Variants in PACS1 observed in about 807,000 individuals in gnomAD.
The protein encoded by PACS1 is PACS-1.
A neutral mutation model predicts 115.0 loss-of-function variants in PACS1; 24 were observed. The observed-to-expected ratio is 0.21, with a 90% CI of 0.15 to 0.29. The LOEUF is 0.29. PACS1 is among the 10% of genes least tolerant of loss of function. The pLI, the probability that PACS1 is intolerant of heterozygous loss-of-function variation, is 1.00. For missense variants in PACS1, 838 were observed against 1,251.2 expected (o/e 0.67, Z 4.98); for synonymous variants, 453 against 504.5 (o/e 0.90, Z 1.37).
At chr11:66,223,926 G>A (rs1184501388) in intron 10 of PACS1, among the ~76,000 whole-genome samples, 1 of 152,184 alleles carries the variant, frequency 6.6e-6, no homozygotes, top group African/African-American at 2.4e-5. Context: ...GGGCGGACAC[G>A]GTGGCTCAAA....
chr11:66,214,035 A>AG (rs1855141401), intron 4 of PACS1, among the ~76,000 whole-genome samples: 1 of 147,016 alleles, frequency 6.8e-6, no homozygotes. Context: ...TCCATCTCAA[A>AG]AAAAAAAAAA....
At chr11:66,105,581 G>A (rs1858019475) in intron 1 of PACS1, among the ~76,000 whole-genome samples, 1 of 152,120 alleles carries the variant, frequency 6.6e-6, no homozygotes, top group South Asian at 2.1e-4. Context: ...TAAGACAGTG[G>A]AATTTTTGGT....
In PACS1 at chr11:66,239,266, G is replaced by A; in HGVS notation, c.2418G>A (p.Leu806=). ...PPSSPSMSSA[L]AIVGSPNSPY... Reference sequence around the variant, plus strand: ...CCTCCCCATCTATGAGCAGCGCCCTGGCCATCGTGGGGTAAGGCTCCTGCC... The same window carrying A: ...CCTCCCCATCTATGAGCAGCGCCCTAGCCATCGTGGGGTAAGGCTCCTGCC... Residue 806 remains leucine, a synonymous_variant, in exon 21 of 24, where the codon CTG becomes CTA. Transcript: ENST00000320580. 1 of 1,612,000 alleles carries A rather than the reference G, an allele frequency of 6.2e-7. No homozygotes were observed. Among genetic ancestry groups the A allele is most frequent in the East Asian group, 2.2e-5 (1 of 44,862 alleles).
intron 5 of PACS1, 29 bp from the exon 6 acceptor site, chr11:66,216,491 A>G (rs1277232694): frequency 6.3e-7 from 1 of 1,585,752 alleles, no homozygotes; most frequent in Admixed American, 1.7e-5. Context: ...TCCCATTGCA[A>G]GGTTATCTTA....
At chr11:66,223,224 C>A (rs759649586) in intron 10 of PACS1, among the ~76,000 whole-genome samples, 1 of 152,060 alleles carries the variant, frequency 6.6e-6, no homozygotes, top group Non-Finnish European at 1.5e-5. Flanking sequence ...TCCCGAGTAG[C>A]TGGGACTGCA....
chr11:66,103,155 C>T (rs1857959483), intron 1 of PACS1, among the ~76,000 whole-genome samples: 1 of 152,104 alleles, frequency 6.6e-6, no homozygotes, highest in Admixed American at 6.5e-5. Flanking sequence ...ATATAAATGG[C>T]ACAGTTGAAA....
intron 2 of PACS1, among the ~76,000 whole-genome samples, chr11:66,197,617 G>T (rs2134679350): frequency 6.6e-6 from 1 of 152,092 alleles, no homozygotes; most frequent in South Asian, 2.1e-4. Flanking sequence ...AACACAGCAA[G>T]ACCCCATCTT....
intron 1 of PACS1, among the ~76,000 whole-genome samples, chr11:66,171,821 C>T (rs923651229): frequency 2.0e-5 from 3 of 151,000 alleles, no homozygotes; most frequent in African/African-American, 4.9e-5. Context: ...CCTTGTGATC[C>T]GCCCGCCTCG....
rs537342996 is a variant in PACS1, at chr11:66,243,319, A to T, written c.*39A>T. ...AGCCACTTTCCCTCCTGGCACTGCC[A>T]CCAGCCTCACCGCCTGCGGGCAGGG... On this transcript the variant is annotated 3_prime_UTR_variant, in exon 24 of 24. Coordinates refer to ENST00000320580, the MANE Select transcript of PACS1 (RefSeq NM_018026.4). 28 of 1,380,026 alleles carry T rather than the reference A, an allele frequency of 2.0e-5. No individual in the cohort carries two copies. In the East Asian group the frequency reaches 6.7e-4, roughly 33 times the overall value. The allele number at this position is 1,380,026 out of a possible 1,614,324, so 85.5% of individuals were successfully genotyped here.
At chr11:66,082,805 A>C (rs969638421) in intron 1 of PACS1, among the ~76,000 whole-genome samples, 1 of 152,212 alleles carries the variant, frequency 6.6e-6, no homozygotes, top group Non-Finnish European at 1.5e-5. Flanking sequence ...CAGTGAGCCA[A>C]GATCATGCCA....
Position 66,233,540 on chromosome 11 carries a change from C to A in PACS1, c.1839-245C>A, listed in dbSNP as rs901609295. Among the ~76,000 whole-genome samples, 5 of 152,226 alleles carry A rather than the reference C, an allele frequency of 3.3e-5. No individual in the cohort carries two copies. Among genetic ancestry groups the A allele is most frequent in the Admixed American group, 6.5e-5 (1 of 15,286 alleles). ...CCTGCGGGCATCCCAGGCACACTGCCGAGTCCTACGTTAGCCTCAGCTGTT... is the reference window on the plus strand; with the variant it reads ...CCTGCGGGCATCCCAGGCACACTGCAGAGTCCTACGTTAGCCTCAGCTGTT... On this transcript the variant is annotated intron_variant, in intron 15 of 23. Coordinates refer to ENST00000320580, the MANE Select transcript of PACS1 (RefSeq NM_018026.4). The surrounding 1 kb of genome is among the most constrained non-coding windows in gnomAD (Gnocchi z 4.5).
intron 1 of PACS1, among the ~76,000 whole-genome samples, chr11:66,086,299 C>T (rs897092309): frequency 2.0e-5 from 3 of 151,758 alleles, no homozygotes; most frequent in Non-Finnish European, 2.9e-5. Flanking sequence ...CTACCTCGCC[C>T]GGCTAATTTT....
At chr11:66,112,589 G>A (rs922361391) in intron 1 of PACS1, among the ~76,000 whole-genome samples, 2 of 152,054 alleles carry the variant, frequency 1.3e-5, no homozygotes, top group Admixed American at 6.6e-5. Flanking sequence ...TATCTGTCTC[G>A]TTCATGACTG....
chr11:66,079,311 T>TTTTC lies in PACS1; in HGVS notation c.356+8472_356+8473insCTTT, dbSNP rs1304439577. On this transcript the variant is annotated intron_variant, in intron 1 of 23. Transcript: ENST00000320580. Reference sequence around the variant, plus strand: ...GACATTCTTTGTAGCAGGTTTTTTTTTTTTTTTTTTAATAGTTTATTGCTG... The same window carrying TTTTC: ...GACATTCTTTGTAGCAGGTTTTTTTTTTTCTTTTTTTTTTAATAGTTTATTGCTG... 2.7e-5 allele frequency among the ~76,000 whole-genome samples: 4 copies of TTTTC among 149,130 alleles called. No homozygotes were observed. In the East Asian group the frequency reaches 7.8e-4, roughly 29 times the overall value.
chr11:66,145,915 G>A (rs990775116), intron 1 of PACS1, among the ~76,000 whole-genome samples: 6 of 152,164 alleles, frequency 3.9e-5, no homozygotes, highest in Non-Finnish European at 8.8e-5. Flanking sequence ...AAAAGAAACT[G>A]AGTAGAGACA....
rs748152624 is a variant in PACS1 at position 66,070,599 on chromosome 11, A to AGCAGCAGCCGCC, written c.124_135dup (p.Pro42_Pro45dup). ...CAGCAGCCGCCGCCGCAGCAGCAGCAGCAGCAGCCGCCGCAGCAGCCGACG... is the reference window on the plus strand; with the variant it reads ...CAGCAGCCGCCGCCGCAGCAGCAGCAGCAGCAGCCGCCGCAGCAGCCGCCGCAGCAGCCGACG... On this transcript the variant is annotated inframe_insertion, in exon 1 of 24. Transcript: ENST00000320580. The surrounding 1 kb of genome is among the most constrained non-coding windows in gnomAD (Gnocchi z 5.9). The AGCAGCAGCCGCC allele has an allele frequency of 8.6e-6, 13 of 1,517,034 alleles. No individual in the cohort carries two copies. Among genetic ancestry groups the AGCAGCAGCCGCC allele is most frequent in the African/African-American group, 1.4e-5 (1 of 69,386 alleles). The allele number at this position is 1,517,034 out of a possible 1,614,324, so 94.0% of individuals were successfully genotyped here. A position where few individuals can be genotyped will look rare whatever the true frequency, so the allele number is the denominator to read the frequency against.
At chr11:66,081,731 G>A (rs1158182133) in intron 1 of PACS1, among the ~76,000 whole-genome samples, 1 of 152,184 alleles carries the variant, frequency 6.6e-6, no homozygotes, top group African/African-American at 2.4e-5. Flanking sequence ...CAGCTTCCCT[G>A]TTTTACCTGC....
chr11:66,107,237 A>G (rs769467960), intron 1 of PACS1, among the ~76,000 whole-genome samples: 6 of 152,212 alleles, frequency 3.9e-5, no homozygotes, highest in Non-Finnish European at 7.4e-5. Flanking sequence ...GAAAATGTCA[A>G]TTATGATCTG....
rs780186857 is a variant in PACS1 at position 66,216,606 on chromosome 11, G to A, written c.892G>A (p.Gly298Arg). 4 of 1,613,350 alleles carry A rather than the reference G, an allele frequency of 2.5e-6. No homozygotes were observed. The highest frequency in any genetic ancestry group is 3.4e-6 in the Non-Finnish European group (4 of 1,179,378). The stretch of plus-strand genomic sequence containing the variant: ...GGAAGGCAGTGATGATCCATTGCAT[G>A]GGCAGGTAACTTTCTGTGGTCCCTC... Reference protein sequence around the residue: ...EQEGSDDPLHGQDLFYEDEDL... With the variant: ...EQEGSDDPLHRQDLFYEDEDL... Residue 298 changes from glycine to arginine, a missense_variant, in exon 6 of 24, where the codon GGG becomes AGG. Gly to Arg is a moderately radical substitution (Grantham distance 125). This residue lies in a region of PACS1 where 223 missense variants were observed against 354.0 expected (regional missense o/e 0.63). Transcript: ENST00000320580.
Sources: gnomAD v4.1 joint callset for allele counts (sites outside exome capture counted in the v4.1 genomes callset) on GRCh38, gnomAD v4.1.1 for gene constraint, gnomAD v4.1.1 regional missense constraint, Gnocchi (gnomAD v3.1) non-coding constraint, MANE v1.5 for transcripts, NCBI Gene and HGNC (gene_info 2026-07-23, HGNC 2026-07-21) for gene names.